The following NKAIN3 variants were observed in gnomAD, a reference collection of about 807,000 sequenced individuals.
NKAIN3 encodes sodium/potassium-transporting ATPase subunit beta-1-interacting protein 3.
In NKAIN3, 25 loss-of-function variants were observed where a neutral mutation model predicts 30.2. The observed-to-expected ratio is 0.83, with a 90% CI of 0.60 to 1.16. The LOEUF (loss-of-function observed/expected upper bound fraction) is 1.16, where lower values mean the gene tolerates loss of function less well. NKAIN3 is among the 50% of genes most tolerant of loss of function. NKAIN3 has a pLI of 0.00. For synonymous variants in NKAIN3, 91 were observed against 89.6 expected (o/e 1.02, Z -0.09); for missense variants, 225 against 254.1 (o/e 0.89, Z 0.78).
At chr8:62,925,914 C>T (rs534720840) in intron 5 of NKAIN3, among the ~76,000 whole-genome samples, 1 of 152,070 alleles carries the variant, frequency 6.6e-6, no homozygotes, top group Non-Finnish European at 1.5e-5. Context: ...AATGCCTGCC[C>T]GCTCAGAAGG....
intron 3 of NKAIN3, among the ~76,000 whole-genome samples, chr8:62,675,086 A>C (rs545709131): frequency 2.0e-5 from 3 of 152,270 alleles, no homozygotes; most frequent in African/African-American, 7.2e-5. Context: ...TTTTCATGTT[A>C]ATATTTTGGA....
At chr8:62,601,587 G>A (rs1810985531) in intron 3 of NKAIN3, among the ~76,000 whole-genome samples, 1 of 151,738 alleles carries the variant, frequency 6.6e-6, no homozygotes, top group South Asian at 2.1e-4. Context: ...GTATCCTGCT[G>A]AGCTAAAGGA....
chr8:62,911,018 G>A lies in NKAIN3; in HGVS notation c.472-7435G>A, dbSNP rs1008436373. Among the ~76,000 whole-genome samples the A allele has an allele frequency of 7.2e-5, 11 of 151,986 alleles. No homozygotes were observed. The South Asian group carries it at 1.7e-3, about 23-fold the overall frequency. Reference sequence around the variant, plus strand: ...CCAATATTAGAAAACACCAAAATACGTATTTCCTGTCAAAGAGGCTAACAA... The same window carrying A: ...CCAATATTAGAAAACACCAAAATACATATTTCCTGTCAAAGAGGCTAACAA... On this transcript the variant is annotated intron_variant, in intron 4 of 6. Coordinates refer to ENST00000623646, the MANE Select transcript of NKAIN3 (RefSeq NM_001304533.3).
chr8:62,673,068 A>T (rs1162972753), intron 3 of NKAIN3, among the ~76,000 whole-genome samples: 1 of 152,216 alleles, frequency 6.6e-6, no homozygotes, highest in Non-Finnish European at 1.5e-5. Context: ...TGTTCAAAAA[A>T]GTCTAGCAGC....
At chr8:62,610,704 C>A (rs1368286098) in intron 3 of NKAIN3, among the ~76,000 whole-genome samples, 1 of 152,124 alleles carries the variant, frequency 6.6e-6, no homozygotes, top group East Asian at 1.9e-4. Flanking sequence ...TTCTTACTTT[C>A]TATTCCCTAT....
At chr8:62,861,064 C>T (rs1256340781) in intron 4 of NKAIN3, among the ~76,000 whole-genome samples, 1 of 152,194 alleles carries the variant, frequency 6.6e-6, no homozygotes, top group African/African-American at 2.4e-5. Context: ...TTGTAGAATT[C>T]CCAGTCCTCT....
chr8:62,617,889 T>A (rs745492289), intron 3 of NKAIN3, among the ~76,000 whole-genome samples: 1 of 152,222 alleles, frequency 6.6e-6, no homozygotes, highest in Non-Finnish European at 1.5e-5. Flanking sequence ...ATGAGAGATT[T>A]ATGACTAAAC....
At chr8:62,330,112 C>T (rs950033389) in intron 1 of NKAIN3, among the ~76,000 whole-genome samples, 5 of 151,806 alleles carry the variant, frequency 3.3e-5, no homozygotes, top group South Asian at 2.1e-4. Flanking sequence ...AAAGCATGGA[C>T]GATTCCAGAT....
intron 1 of NKAIN3, among the ~76,000 whole-genome samples, chr8:62,431,383 G>A (rs1174434910): frequency 2.0e-5 from 3 of 151,736 alleles, no homozygotes; most frequent in Non-Finnish European, 4.4e-5. Flanking sequence ...AATATAGCTT[G>A]TTTTTACAAT....
chr8:62,699,641 T>A (rs1423375481), intron 3 of NKAIN3, among the ~76,000 whole-genome samples: 1 of 152,214 alleles, frequency 6.6e-6, no homozygotes, highest in Non-Finnish European at 1.5e-5. Context: ...TTCATGCTTG[T>A]CCTATCCTTT....
chr8:62,516,808 A>G (rs1000461949), intron 1 of NKAIN3, among the ~76,000 whole-genome samples: 12 of 152,102 alleles, frequency 7.9e-5, no homozygotes, highest in Non-Finnish European at 1.6e-4. Context: ...TTCTCCCTGT[A>G]GATACACCAA....
intron 1 of NKAIN3, among the ~76,000 whole-genome samples, chr8:62,574,021 A>T (rs1458469222): frequency 3.9e-5 from 6 of 152,096 alleles, no homozygotes; most frequent in Non-Finnish European, 7.4e-5. Context: ...CACTTCCTCC[A>T]ACCCCTACTA....
At chr8:62,987,300 T>C (rs1824222782), downstream of NKAIN3, among the ~76,000 whole-genome samples, 1 of 152,134 alleles carries the variant, frequency 6.6e-6, no homozygotes, top group South Asian at 2.1e-4. Context: ...GGCTGAGGCA[T>C]GAGAATCACT....
At chr8:62,808,027 T>G (rs1167685504) in intron 4 of NKAIN3, among the ~76,000 whole-genome samples, 1 of 152,074 alleles carries the variant, frequency 6.6e-6, no homozygotes, top group African/African-American at 2.4e-5. Context: ...ATTTAAAATT[T>G]TATCTTCTTT....
chr8:62,871,739 A>T (rs1228241055), intron 4 of NKAIN3, among the ~76,000 whole-genome samples: 1 of 152,212 alleles, frequency 6.6e-6, no homozygotes, highest in East Asian at 1.9e-4. Context: ...ATGCCTATGG[A>T]ATCCCTCCTT....
At chr8:62,912,033 TGTGAACATCATAGA>T (rs886672446) in intron 4 of NKAIN3, among the ~76,000 whole-genome samples, 5 of 152,204 alleles carry the variant, frequency 3.3e-5, no homozygotes, top group Non-Finnish European at 7.3e-5. Context: ...TTCATCATTG[TGTGAACATCATAGA>T]GTTTACTTAC....
intron 1 of NKAIN3, chr8:62,482,659 T>C (rs1806761612): frequency 6.6e-6 from 1 of 152,248 alleles, no homozygotes; most frequent in Admixed American, 6.5e-5. Flanking sequence ...GCCTTTCTGG[T>C]GAGAGATTCA....
intron 4 of NKAIN3, among the ~76,000 whole-genome samples, chr8:62,753,556 C>T (rs1816354458): frequency 6.6e-6 from 1 of 151,884 alleles, no homozygotes; most frequent in African/African-American, 2.4e-5. Context: ...GAAAAACATC[C>T]AAATTGTAAA....
At chr8:62,822,108 C>T (rs1339298740) in intron 4 of NKAIN3, among the ~76,000 whole-genome samples, 1 of 152,076 alleles carries the variant, frequency 6.6e-6, no homozygotes, top group Admixed American at 6.6e-5. Flanking sequence ...TTGGATTGAT[C>T]AAGGTGGAAA....
Sources: gnomAD v4.1 joint callset for allele counts (sites outside exome capture counted in the v4.1 genomes callset) on GRCh38, gnomAD v4.1.1 for gene constraint, MANE v1.5 for transcripts, NCBI Gene and HGNC (gene_info 2026-07-23, HGNC 2026-07-21) for gene names.